ZFHX3: variants seen among roughly 807,000 people sequenced by gnomAD.
ZFHX3 encodes the protein zinc finger homeobox protein 3.
A neutral mutation model predicts 279.1 loss-of-function variants in ZFHX3; 42 were observed. The observed-to-expected ratio is 0.15, with a 90% confidence interval of 0.12 to 0.19. The LOEUF (loss-of-function observed/expected upper bound fraction) is 0.19, where lower values mean the gene tolerates loss of function less well. ZFHX3 is among the 10% of genes least tolerant of loss of function. The pLI is 1.00. For missense variants in ZFHX3, 4,981 were observed against 4,754.0 expected, an observed-to-expected ratio of 1.05 and a Z score of -1.40; for synonymous variants, 2,293 against 1,957.8, an observed-to-expected ratio of 1.17 and a Z score of -4.52.
rs140219846 is a variant in ZFHX3, at chr16:73,120,649, C to CTTTTTTTTTTTTTTTTTTTTTT, written c.-897+10318_-897+10319insAAAAAAAAAAAAAAAAAAAAAA. On this transcript the variant is annotated intron_variant, in intron 7 of 17. Coordinates refer to the ZFHX3 transcript ENST00000641206. Reference sequence around the variant, plus strand: ...TTGTTTTTCTGCCCTATCCTCTCTACCTTTTTTTTTTTTTTTTTTTTTTGA... The same window carrying CTTTTTTTTTTTTTTTTTTTTTT: ...TTGTTTTTCTGCCCTATCCTCTCTACTTTTTTTTTTTTTTTTTTTTTTCTTTTTTTTTTTTTTTTTTTTTTGA... 2.8e-5 allele frequency among the ~76,000 whole-genome samples: 3 copies of CTTTTTTTTTTTTTTTTTTTTTT among 106,202 alleles called. 1 individual carries two copies. Among genetic ancestry groups the CTTTTTTTTTTTTTTTTTTTTTT allele is most frequent in the Non-Finnish European group, 5.9e-5 (3 of 50,578 alleles). 69.7% of individuals were successfully genotyped at this position (106,202 alleles called of 152,430 possible).
At chr16:72,848,118 C>T (rs2143821758) in intron 4 of ZFHX3, among the ~76,000 whole-genome samples, 1 of 152,308 alleles carries the variant, frequency 6.6e-6, no homozygotes, top group East Asian at 1.9e-4. Flanking sequence ...CACACCAGCA[C>T]AGTGGCCCTC....
chr16:73,349,196 T>C (rs567419342), intron 3 of ZFHX3, among the ~76,000 whole-genome samples: 1 of 152,156 alleles, frequency 6.6e-6, no homozygotes, highest in Non-Finnish European at 1.5e-5. Flanking sequence ...TCAAACATCT[T>C]AAAATCTGGA....
intron 7 of ZFHX3, among the ~76,000 whole-genome samples, chr16:72,808,928 A>T (rs2036354386): frequency 6.6e-6 from 1 of 152,226 alleles, no homozygotes; most frequent in African/African-American, 2.4e-5. Flanking sequence ...CTTTCATGAG[A>T]GTCTCCATAA....
At chr16:73,648,059 G>A (rs756289473) in intron 2 of ZFHX3, among the ~76,000 whole-genome samples, 3 of 152,130 alleles carry the variant, frequency 2.0e-5, no homozygotes, top group Admixed American at 6.5e-5. Flanking sequence ...GTAAATTGGG[G>A]CTACATTCTG....
chr16:73,601,484 A>AC (rs1315079493), intron 2 of ZFHX3, among the ~76,000 whole-genome samples: 2 of 151,822 alleles, frequency 1.3e-5, no homozygotes, highest in Non-Finnish European at 2.9e-5. Context: ...AAAAAAAAAA[A>AC]AATTGTTTGG....
chr16:73,202,135 T>A (rs2011628670), intron 5 of ZFHX3, among the ~76,000 whole-genome samples: 1 of 152,206 alleles, frequency 6.6e-6, no homozygotes, highest in Non-Finnish European at 1.5e-5. Context: ...TAAGTCTGTG[T>A]AGCCAACCAC....
At chr16:73,583,636 A>G (rs2051884961) in intron 2 of ZFHX3, among the ~76,000 whole-genome samples, 1 of 152,228 alleles carries the variant, frequency 6.6e-6, no homozygotes, top group Admixed American at 6.5e-5. Flanking sequence ...TAGGCAAGGC[A>G]AATCCCAGAA....
intron 1 of ZFHX3, among the ~76,000 whole-genome samples, chr16:73,775,803 T>G (rs1326235543): frequency 6.6e-6 from 1 of 152,098 alleles, no homozygotes; most frequent in Non-Finnish European, 1.5e-5. Flanking sequence ...TGCCAGAGTC[T>G]CAGACAATGT....
At chr16:73,646,389 T>A (rs1002752927) in intron 2 of ZFHX3, among the ~76,000 whole-genome samples, 1 of 152,154 alleles carries the variant, frequency 6.6e-6, no homozygotes, top group African/African-American at 2.4e-5. Flanking sequence ...TTATTATTTA[T>A]ATTGTATTTC....
intron 9 of ZFHX3, chr16:72,790,601 G>A (rs1246342068): frequency 6.6e-6 from 1 of 152,166 alleles, no homozygotes; most frequent in Non-Finnish European, 1.5e-5. Flanking sequence ...TGTTAATACT[G>A]GATAGCCAAG....
At position 72,812,031 on chromosome 16, in the gene ZFHX3, G is replaced by C. The variant is rs2036468992; in HGVS notation, c.3537C>G (p.Ser1179=). The change falls in exon 6 of 10, where the codon TCC becomes TCG. Residue 1179 remains serine, a synonymous_variant. Transcript: ENST00000268489. ...CTGTCAGCTCCTTCTCTGCTTGGCT[G>C]GACGATGCTAAAAGAGAAAGTAGAA... ...LAKDQEGGAS[S]SQAEKELTDS... 1.2e-6 allele frequency: 2 copies of C among 1,614,036 alleles called. No individual in the cohort carries two copies. Among genetic ancestry groups the C allele is most frequent in the Non-Finnish European group, 1.7e-6 (2 of 1,179,972 alleles).
upstream of ZFHX3, among the ~76,000 whole-genome samples, chr16:73,062,998 T>C (rs535106091): frequency 1.3e-5 from 2 of 152,380 alleles, no homozygotes; most frequent in East Asian, 3.9e-4. Flanking sequence ...TTCGTTCCGC[T>C]AACTCCGGCT....
rs12597279 is a variant in ZFHX3, at chr16:73,075,523, A to T, written c.-532-16511T>A. 0.015 allele frequency among the ~76,000 whole-genome samples: 2,307 copies of T among 152,280 alleles called. 155 individuals carry two copies. In the East Asian group the frequency reaches 0.2, roughly 13 times the overall value. On this transcript the variant is annotated intron_variant, in intron 8 of 17. Transcript: ENST00000641206. ...GCAGCTCAGGACAGACTCACCTTAC[A>T]CGCAAAGCCTAAATGTCAGAGACAT...
intron 2 of ZFHX3, among the ~76,000 whole-genome samples, chr16:73,626,132 A>C (rs951352082): frequency 5.3e-5 from 8 of 152,208 alleles, no homozygotes; most frequent in African/African-American, 1.9e-4. Context: ...CTGGGATTAC[A>C]GGCGTGAGCC....
intron 3 of ZFHX3, among the ~76,000 whole-genome samples, chr16:72,919,532 G>A (rs1396701938): frequency 6.6e-6 from 1 of 151,678 alleles, no homozygotes; most frequent in Admixed American, 6.6e-5. Context: ...TGAGCCAGGT[G>A]GTATCTTTAT....
chr16:73,373,252 A>G (rs1027732404), intron 3 of ZFHX3, among the ~76,000 whole-genome samples: 1 of 152,090 alleles, frequency 6.6e-6, no homozygotes, highest in African/African-American at 2.4e-5. Context: ...TTCATTTCCT[A>G]GCCCTTTGGC....
chr16:73,428,387 T>C (rs370610749), intron 3 of ZFHX3, among the ~76,000 whole-genome samples: 12 of 152,252 alleles, frequency 7.9e-5, no homozygotes, highest in African/African-American at 1.7e-4. Flanking sequence ...CATCGGTCCA[T>C]GCAATGCACG....
intron 1 of ZFHX3, among the ~76,000 whole-genome samples, chr16:73,689,822 T>TTG (rs2053129300): frequency 6.6e-6 from 1 of 150,940 alleles, no homozygotes; most frequent in African/African-American, 2.5e-5. Flanking sequence ...TTTTTGTTTT[T>TTG]TTTGTTGTTG....
At chr16:73,603,590 C>T (rs1701517254) in intron 2 of ZFHX3, among the ~76,000 whole-genome samples, 1 of 151,894 alleles carries the variant, frequency 6.6e-6, no homozygotes, top group South Asian at 2.1e-4. Context: ...ACCAGTAATC[C>T]CACCTCCAGA....
Sources: gnomAD v4.1 joint callset for allele counts (sites outside exome capture counted in the v4.1 genomes callset) on GRCh38, gnomAD v4.1.1 for gene constraint, MANE v1.5 for transcripts, NCBI Gene and HGNC (gene_info 2026-07-23, HGNC 2026-07-21) for gene names.